The following GPHN variants were observed in gnomAD, a reference collection of about 807,000 sequenced individuals.
GPHN encodes gephyrin.
In GPHN, 17 loss-of-function variants were observed where a neutral mutation model predicts 95.5. That is an observed-to-expected ratio of 0.18 (90% CI 0.12 to 0.27). The LOEUF (loss-of-function observed/expected upper bound fraction) is 0.27, where lower values mean the gene tolerates loss of function less well. Ranked by LOEUF, GPHN falls within the 10% of genes least tolerant of loss-of-function variation. The probability of loss-of-function intolerance (pLI) is 1.00; values close to 1 mark genes in which losing one functional copy is unlikely to be tolerated. For synonymous variants in GPHN, 320 were observed against 322.5 expected, an observed-to-expected ratio of 0.99 and a Z score of 0.08; for missense variants, 660 against 978.1, an observed-to-expected ratio of 0.67 and a Z score of 4.34.
At chr14:66,518,094 C>CAAATAAAT (rs144895971) in intron 1 of GPHN, among the ~76,000 whole-genome samples, 20,393 of 143,692 alleles carry the variant, frequency 0.14, 1,571 homozygotes, top group Non-Finnish European at 0.16. Context: ...TCTTAACAGC[C>CAAATAAAT]AAATAAATAA....
At chr14:67,528,543 TA>T in the GPHN span, among the ~76,000 whole-genome samples, 1 of 152,182 alleles carries the variant, frequency 6.6e-6, no homozygotes, top group Non-Finnish European at 1.5e-5. Context: ...GCTTTAAAAC[TA>T]GGATGTTGCA....
intron 1 of GPHN, among the ~76,000 whole-genome samples, chr14:66,642,559 G>GTT (rs200424747): frequency 0.061 from 8,524 of 139,844 alleles, 333 homozygotes; most frequent in Middle Eastern, 0.1. Context: ...TTTGATTTTT[G>GTT]TTTTTTTTTT....
chr14:67,376,973 G>A, the GPHN span, among the ~76,000 whole-genome samples: 3 of 152,044 alleles, frequency 2.0e-5, 1 homozygote, highest in South Asian at 4.2e-4. Flanking sequence ...TACTATCACC[G>A]GGATTTGCTC....
chr14:67,616,965 C>G, the GPHN span: 1 of 152,102 alleles, frequency 6.6e-6, no homozygotes, highest in African/African-American at 2.4e-5. Context: ...ACCTCCACCT[C>G]CCTGGTTCAA....
chr14:66,572,851 G>C (rs1315783285), intron 1 of GPHN, among the ~76,000 whole-genome samples: 2 of 152,124 alleles, frequency 1.3e-5, no homozygotes, highest in Non-Finnish European at 2.9e-5. Flanking sequence ...GAGAAGAAAA[G>C]CTTTCAACTT....
At position 66,600,463 on chromosome 14, in the gene GPHN, T is replaced by C. The variant is rs117795755; in HGVS notation, c.65-80644T>C. 2.6e-5 allele frequency among the ~76,000 whole-genome samples: 4 copies of C among 152,260 alleles called. No homozygotes were observed. In the East Asian group the frequency reaches 5.8e-4, roughly 22 times the overall value. On this transcript the variant is annotated intron_variant, in intron 1 of 22. Coordinates refer to ENST00000478722, the MANE Select transcript of GPHN (RefSeq NM_020806.5). ...AAATTAGCTCTTACTGGAATTACAA[T>C]GTTAGGTTCCTGTAAGCCTCTGGTC...
the GPHN span, among the ~76,000 whole-genome samples, chr14:67,441,521 C>T: frequency 6.6e-6 from 1 of 152,158 alleles, no homozygotes; most frequent in African/African-American, 2.4e-5. Flanking sequence ...CTCCAATGGG[C>T]TCAGTAGACA....
At chr14:67,046,361 A>G (rs567494143) in intron 10 of GPHN, among the ~76,000 whole-genome samples, 75 of 152,190 alleles carry the variant, frequency 4.9e-4, no homozygotes, top group Non-Finnish European at 9.4e-4. Context: ...TACTCTAGGC[A>G]GAAACAGCAT....
the GPHN span, among the ~76,000 whole-genome samples, chr14:67,422,811 C>T: frequency 6.6e-6 from 1 of 151,220 alleles, no homozygotes; most frequent in South Asian, 2.1e-4. Flanking sequence ...CCATCAAAAC[C>T]TAGGCTTTCC....
At chr14:66,949,602 T>A (rs1291186464) in intron 8 of GPHN, among the ~76,000 whole-genome samples, 1 of 152,216 alleles carries the variant, frequency 6.6e-6, no homozygotes, top group Non-Finnish European at 1.5e-5. Context: ...CTATTGAAGC[T>A]GTACTTCTTT....
At chr14:67,085,558 G>A (rs1320572503) in intron 11 of GPHN, among the ~76,000 whole-genome samples, 1 of 152,140 alleles carries the variant, frequency 6.6e-6, no homozygotes, top group African/African-American at 2.4e-5. Flanking sequence ...TTAGAATATA[G>A]GAAGAAAGAG....
At chr14:66,519,811 T>C (rs953541960) in intron 1 of GPHN, among the ~76,000 whole-genome samples, 10 of 152,186 alleles carry the variant, frequency 6.6e-5, no homozygotes, top group Non-Finnish European at 5.9e-5. Context: ...TAAAATACTT[T>C]CTAGAGCCTG....
chr14:66,902,328 T>A (rs2065160615), intron 5 of GPHN, among the ~76,000 whole-genome samples: 1 of 152,120 alleles, frequency 6.6e-6, no homozygotes, highest in South Asian at 2.1e-4. Context: ...AAGTCTACTT[T>A]CACTTCTTCT....
intron 1 of GPHN, among the ~76,000 whole-genome samples, chr14:66,569,250 CTG>C (rs2060579279): frequency 6.6e-6 from 1 of 152,126 alleles, no homozygotes; most frequent in Non-Finnish European, 1.5e-5. Context: ...AAAGGGAAAA[CTG>C]TCACTATCAT....
At chr14:67,278,037 T>TC in the GPHN span, among the ~76,000 whole-genome samples, 1 of 151,446 alleles carries the variant, frequency 6.6e-6, no homozygotes, top group Non-Finnish European at 1.5e-5. Context: ...TAACCCCAAT[T>TC]CTTTTTTTTT....
intron 1 of GPHN, among the ~76,000 whole-genome samples, chr14:66,673,384 G>A (rs891100699): frequency 1.3e-5 from 2 of 152,098 alleles, no homozygotes; most frequent in African/African-American, 2.4e-5. Flanking sequence ...GAGCCACCAC[G>A]CCCTGCCTGT....
chr14:67,675,584 C>T, the GPHN span, among the ~76,000 whole-genome samples: 3 of 152,258 alleles, frequency 2.0e-5, no homozygotes, highest in South Asian at 2.1e-4. Context: ...GACTAATTCT[C>T]CTCCTAGGCT....
At chr14:67,705,743 G>A in the GPHN span, among the ~76,000 whole-genome samples, 1 of 152,058 alleles carries the variant, frequency 6.6e-6, no homozygotes, top group Non-Finnish European at 1.5e-5. Flanking sequence ...TATTATTTTT[G>A]CAATTTTTTG....
the GPHN span, chr14:67,692,848 T>G: frequency 9.3e-7 from 1 of 1,077,476 alleles, no homozygotes; most frequent in Admixed American, 2.0e-5. Context: ...ATTCCAAAAC[T>G]GGGAAGAAAC....
Sources: allele counts gnomAD v4.1 joint callset (sites outside exome capture counted in the v4.1 genomes callset), GRCh38; gene constraint gnomAD v4.1.1; transcripts MANE v1.5; gene names NCBI Gene and HGNC (gene_info 2026-07-23, HGNC 2026-07-21).